The following TMEM117 variants were observed in gnomAD, a reference collection of about 807,000 sequenced individuals.
The protein encoded by TMEM117 is transmembrane protein 117.
A neutral mutation model predicts 52.4 loss-of-function variants in TMEM117; 27 were observed. That is an observed-to-expected ratio of 0.51 (90% CI 0.38 to 0.71). The LOEUF (loss-of-function observed/expected upper bound fraction) is 0.71. TMEM117 is among the 30% of genes least tolerant of loss of function. The pLI, the probability that TMEM117 is intolerant of heterozygous loss-of-function variation, is 0.00. For missense variants in TMEM117, 556 were observed against 630.5 expected (o/e 0.88, Z 1.26); for synonymous variants, 215 against 206.3 (o/e 1.04, Z -0.36).
At chr12:44,317,751 G>A (rs1340997300) in intron 6 of TMEM117, among the ~76,000 whole-genome samples, 1 of 152,188 alleles carries the variant, frequency 6.6e-6, no homozygotes, top group African/African-American at 2.4e-5. Flanking sequence ...ATGGGTAAAA[G>A]TCAGCTCTGG....
chr12:44,136,028 GCTTACAATTCCCTTTTAC>G (rs1297380489), intron 3 of TMEM117, among the ~76,000 whole-genome samples: 1 of 152,172 alleles, frequency 6.6e-6, no homozygotes, highest in African/African-American at 2.4e-5. Context: ...TTCTGGCTTA[GCTTACAATTCCCTTTTAC>G]AATAATAAAA....
intron 3 of TMEM117, among the ~76,000 whole-genome samples, chr12:44,041,301 G>C (rs533573806): frequency 7.5e-6 from 1 of 132,672 alleles, no homozygotes; most frequent in Non-Finnish European, 1.5e-5. Flanking sequence ...TTGTCCATGT[G>C]TTCTCAGTAT....
chr12:44,157,774 G>GGTAAGACA (rs1948847367), intron 4 of TMEM117, among the ~76,000 whole-genome samples: 1 of 152,030 alleles, frequency 6.6e-6, no homozygotes, highest in African/African-American at 2.4e-5. Flanking sequence ...TTCAAAAGAT[G>GGTAAGACA]GTAAGACAGT....
chr12:44,354,255 T>C (rs866661529), intron 6 of TMEM117, among the ~76,000 whole-genome samples: 15 of 152,238 alleles, frequency 9.9e-5, no homozygotes, highest in South Asian at 6.2e-4. Flanking sequence ...CAATTTGACT[T>C]CCTCTTTTCC....
chr12:44,349,816 C>T (rs767241114), intron 6 of TMEM117, among the ~76,000 whole-genome samples: 90 of 152,030 alleles, frequency 5.9e-4, no homozygotes, highest in Non-Finnish European at 1.2e-3. Context: ...AAACACTGTA[C>T]CATGTACTAG....
chr12:43,809,733 A>C, the TMEM117 span, among the ~76,000 whole-genome samples: 1 of 152,352 alleles, frequency 6.6e-6, no homozygotes, highest in Admixed American at 6.5e-5. Flanking sequence ...TTTATAAAGC[A>C]TTAAATAAGA....
rs564628806 is a variant in TMEM117 at position 43,900,834 on chromosome 12, A to G, written c.278-43376A>G. ...TTTGGAAACTACAGAACAGAGAGAG[A>G]GAGAGGAAGGAAGAAAAGAAAAGAA... On this transcript the variant is annotated intron_variant, in intron 2 of 7. Transcript: ENST00000266534. 1.0e-3 allele frequency among the ~76,000 whole-genome samples: 152 copies of G among 152,268 alleles called. 3 individuals carry two copies. The highest frequency in any genetic ancestry group is 3.4e-3 in the African/African-American group (142 of 41,538).
intron 3 of TMEM117, among the ~76,000 whole-genome samples, chr12:44,087,408 T>G (rs963464649): frequency 6.6e-6 from 1 of 151,618 alleles, no homozygotes; most frequent in African/African-American, 2.4e-5. Context: ...ATTTGCAGTG[T>G]TTTTTTCTTA....
At chr12:44,158,533 A>T (rs1227204120) in intron 4 of TMEM117, among the ~76,000 whole-genome samples, 1 of 152,212 alleles carries the variant, frequency 6.6e-6, no homozygotes, top group Admixed American at 6.6e-5. Context: ...GCACTTGACA[A>T]GACTCCACAC....
intron 3 of TMEM117, among the ~76,000 whole-genome samples, chr12:44,129,725 C>A (rs1487078414): frequency 6.6e-6 from 1 of 152,060 alleles, no homozygotes; most frequent in Non-Finnish European, 1.5e-5. Context: ...CATCACTTTC[C>A]CCTTAAGAGG....
chr12:44,320,285 G>C (rs1951113828), intron 6 of TMEM117, among the ~76,000 whole-genome samples: 1 of 151,974 alleles, frequency 6.6e-6, no homozygotes, highest in African/African-American at 2.4e-5. Context: ...CCCTCCTTTA[G>C]ACTCTTATCA....
At chr12:43,999,009 T>C (rs1476917272) in intron 3 of TMEM117, among the ~76,000 whole-genome samples, 1 of 152,112 alleles carries the variant, frequency 6.6e-6, no homozygotes, top group Admixed American at 6.6e-5. Flanking sequence ...ATTCACTCAC[T>C]AGGAAGGCTA....
intron 3 of TMEM117, among the ~76,000 whole-genome samples, chr12:44,102,715 G>A (rs936610645): frequency 3.3e-5 from 5 of 151,870 alleles, no homozygotes; most frequent in Non-Finnish European, 5.9e-5. Context: ...TTTGGTTGGC[G>A]TAAATATTTT....
intron 6 of TMEM117, among the ~76,000 whole-genome samples, chr12:44,311,907 ATG>A (rs61067289): frequency 0.07 from 9,294 of 133,584 alleles, 1,809 homozygotes; most frequent in African/African-American, 0.27. Context: ...GTATATATAT[ATG>A]TGTGTATATA....
chr12:43,914,354 C>T (rs543110494), intron 2 of TMEM117, among the ~76,000 whole-genome samples: 3 of 152,114 alleles, frequency 2.0e-5, no homozygotes, highest in Admixed American at 6.6e-5. Flanking sequence ...CTAATGAACC[C>T]GCTCCTCAGT....
chr12:44,105,465 G>A (rs1381884473), intron 3 of TMEM117, among the ~76,000 whole-genome samples: 3 of 151,796 alleles, frequency 2.0e-5, no homozygotes, highest in Non-Finnish European at 2.9e-5. Context: ...ATTTGACTCT[G>A]ATTCTGATGC....
chr12:44,374,370 G>A (rs57441292), intron 6 of TMEM117, among the ~76,000 whole-genome samples: 2,835 of 152,120 alleles, frequency 0.019, 97 homozygotes, highest in African/African-American at 0.064. Context: ...TTATGAATGA[G>A]TCATCATCTA....
At chr12:44,182,028 C>A (rs1434660022) in intron 4 of TMEM117, among the ~76,000 whole-genome samples, 91 of 151,402 alleles carry the variant, frequency 6.0e-4, no homozygotes, top group African/African-American at 2.1e-3. Context: ...CTTTTACTTC[C>A]TTGAGCAGTG....
chr12:44,280,275 CAT>C (rs1490698810), intron 5 of TMEM117, among the ~76,000 whole-genome samples: 3 of 152,136 alleles, frequency 2.0e-5, no homozygotes, highest in Non-Finnish European at 4.4e-5. Flanking sequence ...AAACCAAATT[CAT>C]ATTTCATTTC....
Sources: allele counts gnomAD v4.1 joint callset (sites outside exome capture counted in the v4.1 genomes callset), GRCh38; gene constraint gnomAD v4.1.1; transcripts MANE v1.5; gene names NCBI Gene and HGNC (gene_info 2026-07-23, HGNC 2026-07-21).